The following FOXN3 variants were observed in gnomAD, a reference collection of about 807,000 sequenced individuals.
FOXN3 encodes the protein forkhead box protein N3.
FOXN3 carries 7 observed loss-of-function variants against 38.4 expected under a neutral mutation model. That is an observed-to-expected ratio of 0.18 (90% CI 0.10 to 0.34). FOXN3 has a LOEUF of 0.34. FOXN3 is among the 10% of genes least tolerant of loss of function. The probability of loss-of-function intolerance (pLI) is 1.00; values close to 1 mark genes in which losing one functional copy is unlikely to be tolerated. For missense variants in FOXN3, 456 were observed against 613.4 expected (o/e 0.74, Z 2.71); for synonymous variants, 230 against 242.2 (o/e 0.95, Z 0.47).
chr14:89,174,871 T>C lies in FOXN3; in HGVS notation c.851+5830A>G, dbSNP rs564080298. Among the ~76,000 whole-genome samples, 131 of 152,344 alleles carry C rather than the reference T, an allele frequency of 8.6e-4. 1 individual carries two copies. The Middle Eastern group carries it at 0.014, about 16-fold the overall frequency. ...CAAAATCTAATACTGAGTTTTGTAA[T>C]TGCCTTCAAAGACCATGATTTCAAA... On this transcript the variant is annotated intron_variant, in intron 5 of 5. Coordinates refer to ENST00000557258, the MANE Select transcript of FOXN3 (RefSeq NM_005197.4).
intron 1 of FOXN3, among the ~76,000 whole-genome samples, chr14:89,443,800 G>A (rs1399581498): frequency 6.6e-6 from 1 of 151,892 alleles, no homozygotes; most frequent in Admixed American, 6.6e-5. Flanking sequence ...ACCTGAGGTC[G>A]GGAGTTCAAG....
chr14:89,464,304 G>A (rs925199739), intron 1 of FOXN3, among the ~76,000 whole-genome samples: 3 of 152,116 alleles, frequency 2.0e-5, no homozygotes, highest in Admixed American at 6.5e-5. Flanking sequence ...GAGTTTAGAG[G>A]CAGCTCAAGT....
At chr14:89,212,371 T>C (rs1884124056) in intron 4 of FOXN3, among the ~76,000 whole-genome samples, 1 of 151,968 alleles carries the variant, frequency 6.6e-6, no homozygotes. Flanking sequence ...GTTCTGGGGG[T>C]AAATTCAGTT....
chr14:89,446,601 T>C (rs1379005817), intron 1 of FOXN3, among the ~76,000 whole-genome samples: 7 of 152,238 alleles, frequency 4.6e-5, no homozygotes, highest in Non-Finnish European at 1.0e-4. Flanking sequence ...TAAATACACT[T>C]AGTACTCCAC....
chr14:89,433,269 G>A (rs948482739), intron 1 of FOXN3, among the ~76,000 whole-genome samples: 7 of 152,122 alleles, frequency 4.6e-5, no homozygotes, highest in Admixed American at 6.5e-5. Flanking sequence ...AGATCACAAC[G>A]TCAGGAGTTC....
Position 89,412,322 on chromosome 14 carries a change from T to C in FOXN3, c.155A>G (p.Glu52Gly), listed in dbSNP as rs1891564412. The change falls in exon 2 of 6, where the codon GAG becomes GGG. Residue 52 changes from glutamate to glycine, a missense_variant. Physicochemically the swap from Glu to Gly is moderately conservative, Grantham distance 98. This residue lies in a region of FOXN3 where 59 missense variants were observed against 69.0 expected (regional missense o/e 0.85). Coordinates refer to ENST00000557258, the MANE Select transcript of FOXN3 (RefSeq NM_005197.4). The surrounding 1 kb of genome is among the most constrained non-coding windows in gnomAD (Gnocchi z 4.7). ...DFSLPDIRLE[E>G]GAMEDEELTN... ...CAGCTCTTCATCTTCCATGGCCCCCTCTTCTAATCGGATGTCAGGCAGAGA... is the reference window on the plus strand; with the variant it reads ...CAGCTCTTCATCTTCCATGGCCCCCCCTTCTAATCGGATGTCAGGCAGAGA... The C allele has an allele frequency of 1.2e-6, 2 of 1,613,988 alleles. No individual in the cohort carries two copies. Among genetic ancestry groups the C allele is most frequent in the African/African-American group, 2.7e-5 (2 of 74,892 alleles).
intron 2 of FOXN3, among the ~76,000 whole-genome samples, chr14:89,363,959 TATATATATATATATATATATATATATATA>T (rs1168576800): frequency 5.6e-4 from 6 of 10,690 alleles, no homozygotes; most frequent in Non-Finnish European, 9.6e-4. Flanking sequence ...TATATATATA[TATATATATATATATATATATATATATATA>T]ATATATATAT....
chr14:89,302,423 G>A (rs1465578530), intron 3 of FOXN3, among the ~76,000 whole-genome samples: 1 of 152,110 alleles, frequency 6.6e-6, no homozygotes, highest in African/African-American at 2.4e-5. Context: ...TGAGGGTTTT[G>A]CTTTGTTTTA....
chr14:89,284,389 G>A (rs1886552376), intron 3 of FOXN3: 1 of 446,794 alleles, frequency 2.2e-6, no homozygotes, highest in South Asian at 1.6e-5. Context: ...TGACAAGTTA[G>A]TGATCAACCC....
At chr14:89,206,508 AT>A (rs1418117833) in intron 4 of FOXN3, among the ~76,000 whole-genome samples, 1 of 152,236 alleles carries the variant, frequency 6.6e-6, no homozygotes. Context: ...ACGGAAGATG[AT>A]GGCGTGGACA....
intron 1 of FOXN3, among the ~76,000 whole-genome samples, chr14:89,491,678 G>C (rs1321152939): frequency 1.3e-5 from 2 of 152,220 alleles, no homozygotes. Context: ...GATGAGCTCT[G>C]CCTCGGGAGG....
intron 1 of FOXN3, among the ~76,000 whole-genome samples, chr14:89,539,606 AT>A: frequency 6.6e-6 from 1 of 152,342 alleles, no homozygotes; most frequent in South Asian, 2.1e-4. Flanking sequence ...TGACTTAAAA[AT>A]TGCTTCCACT....
At chr14:89,391,511 G>A (rs774776252) in intron 2 of FOXN3, among the ~76,000 whole-genome samples, 1 of 152,130 alleles carries the variant, frequency 6.6e-6, no homozygotes, top group Non-Finnish European at 1.5e-5. Context: ...AGAAGAACAC[G>A]CTCCCCCAAA....
At chr14:89,487,233 A>T (rs145111405) in intron 1 of FOXN3, among the ~76,000 whole-genome samples, 9 of 152,396 alleles carry the variant, frequency 5.9e-5, no homozygotes, top group African/African-American at 1.9e-4. Context: ...AAGTTGGTAC[A>T]TGAGACAGAT....
intron 4 of FOXN3, among the ~76,000 whole-genome samples, chr14:89,251,490 A>T (rs1885454208): frequency 6.6e-6 from 1 of 152,254 alleles, no homozygotes; most frequent in Non-Finnish European, 1.5e-5. Flanking sequence ...GTCTATAAAC[A>T]TATGTTAACC....
rs564189062 is a variant in FOXN3 at position 89,370,392 on chromosome 14, G to T, written c.544-19584C>A. 7.2e-4 allele frequency among the ~76,000 whole-genome samples: 110 copies of T among 152,328 alleles called. 1 individual carries two copies. The highest frequency in any genetic ancestry group is 3.4e-3 in the Middle Eastern group (1 of 294). On this transcript the variant is annotated intron_variant, in intron 2 of 5. Coordinates refer to ENST00000557258, the MANE Select transcript of FOXN3 (RefSeq NM_005197.4). ...CCAGGCTTCAAACCTGGGTCTTTGG[G>T]GTTGCCCCCATGACAAAATTCAGCC...
chr14:89,295,433 A>T (rs1404361669), intron 3 of FOXN3, among the ~76,000 whole-genome samples: 2 of 152,186 alleles, frequency 1.3e-5, no homozygotes, highest in African/African-American at 4.8e-5. Context: ...ACGTCACGTG[A>T]GCAGAGGCTA....
chr14:89,513,267 C>CT lies in FOXN3; in HGVS notation c.-14-100778dup, dbSNP rs111977353. 5.5e-4 allele frequency among the ~76,000 whole-genome samples: 82 copies of CT among 149,222 alleles called. 1 individual carries two copies. The highest frequency in any genetic ancestry group is 3.4e-3 in the Middle Eastern group (1 of 292). On this transcript the variant is annotated intron_variant, in intron 1 of 6. Transcript: ENST00000345097. Reference sequence around the variant, plus strand: ...ATCCTGTTTCTTTTCTTCCCTCTTTCTTTTTTTTTATTTTTCATGACAGGG... The same window carrying CT: ...ATCCTGTTTCTTTTCTTCCCTCTTTCTTTTTTTTTTATTTTTCATGACAGGG...
At chr14:89,485,461 C>A (rs1172704384) in intron 1 of FOXN3, among the ~76,000 whole-genome samples, 1 of 152,182 alleles carries the variant, frequency 6.6e-6, no homozygotes, top group Non-Finnish European at 1.5e-5. Flanking sequence ...AGGAACTGAC[C>A]TCACAGAGCT....
Sources: allele counts gnomAD v4.1 joint callset (sites outside exome capture counted in the v4.1 genomes callset), GRCh38; gene constraint gnomAD v4.1.1; regional missense constraint gnomAD v4.1.1; non-coding constraint Gnocchi (gnomAD v3.1); transcripts MANE v1.5; gene names NCBI Gene and HGNC (gene_info 2026-07-23, HGNC 2026-07-21).